Variants in AGBL4 observed in about 807,000 individuals in gnomAD.
AGBL4 encodes the protein cytosolic carboxypeptidase 6.
A neutral mutation model predicts 66.4 loss-of-function variants in AGBL4; 58 were observed. The ratio of observed to expected loss-of-function variants is 0.87; its 90% CI spans 0.71 to 1.09. The LOEUF (loss-of-function observed/expected upper bound fraction) is 1.09, where lower values mean the gene tolerates loss of function less well. Ranked by LOEUF, AGBL4 falls within the 50% of genes least tolerant of loss-of-function variation. The probability of loss-of-function intolerance (pLI) is 0.00; values close to 1 mark genes in which losing one functional copy is unlikely to be tolerated. For synonymous variants in AGBL4, 234 were observed against 222.9 expected, an observed-to-expected ratio of 1.05 and a Z score of -0.44; for missense variants, 579 against 631.0, an observed-to-expected ratio of 0.92 and a Z score of 0.88.
intron 3 of AGBL4, among the ~76,000 whole-genome samples, chr1:49,341,708 T>C (rs1371887056): frequency 6.6e-6 from 1 of 152,136 alleles, no homozygotes; most frequent in Non-Finnish European, 1.5e-5. Flanking sequence ...AAACTTTTTC[T>C]CTCCCAAAGG....
chr1:49,730,171 TG>T (rs1649330781), intron 2 of AGBL4, among the ~76,000 whole-genome samples: 1 of 152,214 alleles, frequency 6.6e-6, no homozygotes, highest in East Asian at 1.9e-4. Context: ...GGTCCCCTCT[TG>T]TTGTCGAGAG....
chr1:48,553,672 A>G (rs960354552), intron 11 of AGBL4, among the ~76,000 whole-genome samples: 4 of 152,130 alleles, frequency 2.6e-5, no homozygotes, highest in Non-Finnish European at 4.4e-5. Context: ...TTCTGGGAAG[A>G]GTATTCATAA....
At chr1:48,690,568 T>A (rs1646613285) in intron 6 of AGBL4, among the ~76,000 whole-genome samples, 1 of 152,158 alleles carries the variant, frequency 6.6e-6, no homozygotes, top group Non-Finnish European at 1.5e-5. Flanking sequence ...CACACTGACA[T>A]TAGTGGCAAG....
intron 3 of AGBL4, among the ~76,000 whole-genome samples, chr1:49,584,755 G>A (rs991592493): frequency 4.0e-5 from 6 of 151,884 alleles, no homozygotes; most frequent in Non-Finnish European, 8.8e-5. Flanking sequence ...GTAGCTTCAG[G>A]GTATATCTGC....
At chr1:49,948,141 A>AAT (rs1174143031) in intron 1 of AGBL4, among the ~76,000 whole-genome samples, 2 of 103,174 alleles carry the variant, frequency 1.9e-5, no homozygotes, top group African/African-American at 4.2e-5. Context: ...AATATATGTA[A>AAT]ATATATATAA....
intron 3 of AGBL4, among the ~76,000 whole-genome samples, chr1:49,280,080 A>G (rs567592880): frequency 6.6e-6 from 1 of 152,122 alleles, no homozygotes; most frequent in South Asian, 2.1e-4. Context: ...ATTTTTTTGC[A>G]TGTCTGGCAC....
At chr1:49,146,707 CT>C (rs576949432) in intron 4 of AGBL4, among the ~76,000 whole-genome samples, 1 of 152,236 alleles carries the variant, frequency 6.6e-6, no homozygotes, top group Non-Finnish European at 1.5e-5. Context: ...GAATAAAACA[CT>C]GAGAAGTGCC....
chr1:48,647,599 C>A, intron 8 of AGBL4: 1 of 453,836 alleles, frequency 2.2e-6, no homozygotes, highest in South Asian at 1.6e-5. Flanking sequence ...TACACAATGA[C>A]AAGCACCTAA....
intron 5 of AGBL4, among the ~76,000 whole-genome samples, chr1:48,953,963 A>G (rs1657216590): frequency 6.6e-6 from 1 of 152,192 alleles, no homozygotes; most frequent in Non-Finnish European, 1.5e-5. Context: ...AAAAAGACAG[A>G]CCAAGGGTCT....
At chr1:48,550,653 G>A (rs1644235917) in intron 11 of AGBL4, among the ~76,000 whole-genome samples, 1 of 152,104 alleles carries the variant, frequency 6.6e-6, no homozygotes, top group Non-Finnish European at 1.5e-5. Context: ...ATTCCACACT[G>A]CCTGAGATTT....
At chr1:48,607,428 C>T (rs2148374141) in intron 9 of AGBL4, among the ~76,000 whole-genome samples, 1 of 152,050 alleles carries the variant, frequency 6.6e-6, no homozygotes, top group South Asian at 2.1e-4. Flanking sequence ...AACCATCCTG[C>T]CCATCATGAT....
intron 2 of AGBL4, among the ~76,000 whole-genome samples, chr1:49,816,023 TG>T (rs1645222544): frequency 6.6e-6 from 1 of 152,112 alleles, no homozygotes; most frequent in African/African-American, 2.4e-5. Context: ...CCCCAGTCAC[TG>T]GGGTTTACAG....
At chr1:49,050,155 G>A (rs1175727902) in intron 4 of AGBL4, among the ~76,000 whole-genome samples, 2 of 152,026 alleles carry the variant, frequency 1.3e-5, no homozygotes, top group African/African-American at 4.8e-5. Flanking sequence ...CCAGCTCTTG[G>A]AATAAGGCCT....
chr1:49,299,125 A>G (rs1312084479), intron 3 of AGBL4, among the ~76,000 whole-genome samples: 1 of 152,242 alleles, frequency 6.6e-6, no homozygotes, highest in Non-Finnish European at 1.5e-5. Context: ...AGGCTGTATC[A>G]ATATTCCCAT....
chr1:49,184,772 C>A (rs1404153404), intron 4 of AGBL4, among the ~76,000 whole-genome samples: 1 of 152,162 alleles, frequency 6.6e-6, no homozygotes, highest in Non-Finnish European at 1.5e-5. Context: ...CAATCAGGCA[C>A]AAGAGGCTCT....
At chr1:48,762,614 T>TTGTGTGTGTG (rs58396843) in intron 6 of AGBL4, among the ~76,000 whole-genome samples, 920 of 75,108 alleles carry the variant, frequency 0.012, 13 homozygotes, top group African/African-American at 0.035. Flanking sequence ...TTTAAGGGTT[T>TTGTGTGTGTG]TGTGTGTGTG....
intron 3 of AGBL4, among the ~76,000 whole-genome samples, chr1:49,583,149 G>T (rs1462983479): frequency 6.6e-6 from 1 of 152,096 alleles, no homozygotes; most frequent in Non-Finnish European, 1.5e-5. Context: ...GGAATATTTT[G>T]TTCCAATGAA....
intron 5 of AGBL4, among the ~76,000 whole-genome samples, chr1:48,973,422 A>G (rs1160375210): frequency 6.6e-6 from 1 of 152,188 alleles, no homozygotes; most frequent in Non-Finnish European, 1.5e-5. Flanking sequence ...AATATCCACA[A>G]TTAGAATGAC....
At chr1:49,232,661 T>C (rs554818556) in intron 4 of AGBL4, among the ~76,000 whole-genome samples, 13 of 151,324 alleles carry the variant, frequency 8.6e-5, no homozygotes, top group Admixed American at 4.0e-4. Context: ...ATGGTGCCAC[T>C]GCACTCCAGC....
Sources: gnomAD v4.1 joint callset for allele counts (sites outside exome capture counted in the v4.1 genomes callset) on GRCh38, gnomAD v4.1.1 for gene constraint, MANE v1.5 for transcripts, NCBI Gene and HGNC (gene_info 2026-07-23, HGNC 2026-07-21) for gene names.